The following MBD6 variants were observed in gnomAD, a reference collection of about 807,000 sequenced individuals.
MBD6 encodes the protein methyl-CpG binding domain protein 6, also known as methyl-CpG-binding domain protein 6.
A neutral mutation model predicts 66.8 loss-of-function variants in MBD6; 22 were observed. The ratio of observed to expected loss-of-function variants is 0.33; its 90% CI spans 0.24 to 0.47. The LOEUF (loss-of-function observed/expected upper bound fraction) is 0.47, where lower values mean the gene tolerates loss of function less well. Ranked by LOEUF, MBD6 falls within the 20% of genes least tolerant of loss-of-function variation. MBD6 has a pLI of 1.00. For missense variants in MBD6, 1,322 were observed against 1,286.9 expected (o/e 1.03, Z -0.42); for synonymous variants, 540 against 534.6 (o/e 1.01, Z -0.14).
downstream of MBD6, chr12:57,530,920 T>C: frequency 1.4e-6 from 1 of 715,812 alleles, no homozygotes; most frequent in East Asian, 2.6e-5. Context: ...AGCACCAATT[T>C]TCAAGCTACC....
chr12:57,525,644 T>A lies in MBD6; in HGVS notation c.676T>A (p.Ser226Thr). The change falls in exon 6 of 13, where the codon TCA becomes ACA. Residue 226 changes from serine (S) to threonine (T), a missense_variant. Coordinates refer to ENST00000355673, the MANE Select transcript of MBD6 (RefSeq NM_052897.4). The stretch of plus-strand genomic sequence containing the variant: ...ACCTGCTATCAGCCTCAATGCTCCC[T>A]CATACAACTGGGGAGCTGCCCTCAG... ...PPPAISLNAP[S>T]YNWGAALRSS... 6.2e-7 allele frequency: 1 copy of A among 1,613,554 alleles called. No individual in the cohort carries two copies. Among genetic ancestry groups the A allele is most frequent in the Non-Finnish European group, 8.5e-7 (1 of 1,179,818 alleles).
In MBD6 at chr12:57,528,444, C is replaced by T; in HGVS notation, c.2704C>T (p.Gln902Ter). The T allele has an allele frequency of 6.2e-7, 1 of 1,613,762 alleles. No homozygotes were observed. Among genetic ancestry groups the T allele is most frequent in the Non-Finnish European group, 8.5e-7 (1 of 1,180,030 alleles). ...GGGGACACGTGGTGGCTTCAATGGA[C>T]AAATGGAAAGGTCCCCAAGAAGAAC... ...KWGTRGGFNG[Q>*]MERSPRRTHH... Residue 902 changes from glutamine (Q) to a stop codon, truncating the protein, a stop_gained, in exon 10 of 13, where the codon CAA (glutamine) becomes TAA (stop). Transcript: ENST00000355673. LOFTEE classifies it high-confidence loss of function.
rs768829303 is a variant in MBD6 at position 57,528,544 on chromosome 12, A to C, written c.2804A>C (p.His935Pro). 6.2e-6 allele frequency: 10 copies of C among 1,610,690 alleles called. No homozygotes were observed. In the African/African-American group the frequency reaches 1.3e-4, roughly 22 times the overall value. ...EPKDPPPPGP[H>P]SEDLKVPPGV... ...AAGGATCCACCCCCTCCCGGGCCCCATTCTGAGGACCTTAAGGTGAGTGCA... is the reference window on the plus strand; with the variant it reads ...AAGGATCCACCCCCTCCCGGGCCCCCTTCTGAGGACCTTAAGGTGAGTGCA... Residue 935 changes from histidine (H) to proline (P), a missense_variant, in exon 10 of 13, where the codon CAT becomes CCT. By Grantham distance (77) the His-to-Pro change is moderately conservative. Transcript: ENST00000355673.
chr12:57,526,409 C>T (rs374919448), intron 6 of MBD6, 21 bp downstream of exon 6: 2 of 1,543,576 alleles, frequency 1.3e-6, no homozygotes, highest in African/African-American at 1.4e-5. Flanking sequence ...ATTGTGGAGC[C>T]CTTCCTCATC....
chr12:57,520,797 GA>G (rs1479563970), upstream of MBD6: 2 of 138,204 alleles, frequency 1.4e-5, no homozygotes, highest in African/African-American at 5.3e-5. Context: ...GGGAGGGGAG[GA>G]AAGGGGGGCG....
At chr12:57,520,738 G>A (rs900247536), upstream of MBD6, 64 of 290,478 alleles carry the variant, frequency 2.2e-4, no homozygotes, top group Non-Finnish European at 3.9e-4. Flanking sequence ...AGGCTTCACG[G>A]AGGAGGTGGG....
rs747757197 is a variant in MBD6 at position 57,527,475 on chromosome 12, G to A, written c.2083-32G>A. On this transcript the variant is annotated intron_variant, in intron 7 of 12. Transcript: ENST00000355673. The stretch of plus-strand genomic sequence containing the variant: ...TATAAATCTGTTGAGTATTTTACAC[G>A]CGTAAGTGTTAGAATCATTCTTTTT... The A allele has an allele frequency of 2.2e-5, 35 of 1,611,036 alleles. No homozygotes were observed. In the Middle Eastern group the frequency reaches 6.6e-4, roughly 30 times the overall value.
Position 57,529,146 on chromosome 12 carries a change from C to G in MBD6, c.2938-14C>G, listed in dbSNP as rs117160323. Reference sequence around the variant, plus strand: ...GCAATTGACCACTTCTATCAACTTCCCCTCTGATATTAGGCAGCTGTCCCT... The same window carrying G: ...GCAATTGACCACTTCTATCAACTTCGCCTCTGATATTAGGCAGCTGTCCCT... On this transcript the variant is annotated splice_polypyrimidine_tract_variant and intron_variant, in intron 12 of 12. Transcript: ENST00000355673. The G allele has an allele frequency of 1.3e-5, 21 of 1,614,060 alleles. No homozygotes were observed. Among genetic ancestry groups the G allele is most frequent in the Non-Finnish European group, 1.8e-5 (21 of 1,179,966 alleles).
At chr12:57,530,430 T>A, downstream of MBD6, 1 of 417,142 alleles carries the variant, frequency 2.4e-6, no homozygotes, top group Non-Finnish European at 4.4e-6. Context: ...GTATTGGACA[T>A]GAGTTGGCAT....
At chr12:57,530,715 C>T (rs766046230), downstream of MBD6, 9 of 1,613,832 alleles carry the variant, frequency 5.6e-6, no homozygotes, top group Non-Finnish European at 7.6e-6. Context: ...TTCATCCGTT[C>T]ATCAATGCTG....
At chr12:57,530,551 C>T (rs1879572543), downstream of MBD6, 6 of 733,978 alleles carry the variant, frequency 8.2e-6, no homozygotes, top group Non-Finnish European at 9.0e-6. Flanking sequence ...ATAAACCCCA[C>T]ATGCAAGAAG....
intron 1 of MBD6, among the ~76,000 whole-genome samples, 183 bp from the exon 2 acceptor site, chr12:57,523,846 C>T (rs1878626986): frequency 6.6e-6 from 1 of 152,214 alleles, no homozygotes; most frequent in African/African-American, 2.4e-5. Context: ...GGTTCTGACC[C>T]TCTGGTCCCT....
intron 1 of MBD6, chr12:57,523,298 T>A (rs946719852): frequency 6.6e-6 from 1 of 151,420 alleles, no homozygotes; most frequent in Non-Finnish European, 1.5e-5. Context: ...CAGGGCGCCT[T>A]GTTGTGAGAG....
chr12:57,530,856 G>A (rs1879623207), downstream of MBD6: 4 of 1,211,378 alleles, frequency 3.3e-6, no homozygotes, highest in African/African-American at 1.5e-5. Flanking sequence ...TTCTCTGAGA[G>A]AGAAGACAAG....
chr12:57,527,956 G>A lies in MBD6; in HGVS notation c.2345G>A (p.Gly782Glu). Residue 782 changes from glycine (G) to glutamate (E), a missense_variant, in exon 9 of 13, where the codon GGA (glycine) becomes GAA (glutamate). Transcript: ENST00000355673. The part of the protein sequence containing the change: ...QLGLQLLPGG[G>E]APPPLSEASS... ...GGGCTGCAGCTCCTCCCTGGGGGGG[G>A]AGCTCCTCCACCCCTCTCAGAGGCT... The A allele has an allele frequency of 3.8e-6, 6 of 1,594,312 alleles. No individual in the cohort carries two copies. The highest frequency in any genetic ancestry group is 1.4e-5 in the African/African-American group (1 of 73,956).
rs946013269 is a variant in MBD6 at position 57,526,375 on chromosome 12, C to T, written c.1407C>T (p.Leu469=). ...TGCCTGGGACCACCAGTGGCAGCCT[C>T]AGCAGTGTGCCAGGTATGTGAGTAT... The part of the protein sequence containing the change: ...PSLPGTTSGS[L]SSVPGAPAPP... Residue 469 remains leucine, a synonymous_variant, in exon 6 of 13, where the codon CTC becomes CTT. Transcript: ENST00000355673. 2.5e-6 allele frequency: 4 copies of T among 1,592,586 alleles called. No individual in the cohort carries two copies. Among genetic ancestry groups the T allele is most frequent in the Non-Finnish European group, 3.4e-6 (4 of 1,168,956 alleles).
rs369345335 is a variant in MBD6, at chr12:57,526,476, G to A, written c.1420+88G>A. ...GGGAATGTTCAGAGAGCTCTTTGAG[G>A]GTTTTCTGGGTTGGGGGCAGGGAGG... is the stretch of plus-strand genomic sequence containing the variant. On this transcript the variant is annotated intron_variant, in intron 6 of 12. Transcript: ENST00000355673. 54 of 1,513,564 alleles carry A rather than the reference G, an allele frequency of 3.6e-5. No homozygotes were observed. The East Asian group carries it at 9.1e-4, about 25-fold the overall frequency. The allele number at this position is 1,513,564 out of a possible 1,614,324, so 93.8% of individuals were successfully genotyped here.
At chr12:57,524,158 C>T in intron 2 of MBD6, 66 bp downstream of exon 2, 2 of 524,448 alleles carry the variant, frequency 3.8e-6, no homozygotes, top group South Asian at 3.6e-5. Flanking sequence ...CCCCTTGCTC[C>T]TCTGGGGCTT....
chr12:57,522,355 G>A (rs1255691900), upstream of MBD6, among the ~76,000 whole-genome samples: 1 of 152,210 alleles, frequency 6.6e-6, no homozygotes, highest in East Asian at 1.9e-4. Flanking sequence ...CTGGGGAGGC[G>A]GGTCAAGTCC....
Sources: gnomAD v4.1 joint callset for allele counts (sites outside exome capture counted in the v4.1 genomes callset) on GRCh38, gnomAD v4.1.1 for gene constraint, MANE v1.5 for transcripts, NCBI Gene and HGNC (gene_info 2026-07-23, HGNC 2026-07-21) for gene names.